Variants in RADIL observed in about 807,000 individuals in gnomAD.
RADIL encodes the protein ras-associating and dilute domain-containing protein.
In RADIL, 99 loss-of-function variants were observed where a neutral mutation model predicts 97.6. The ratio of observed to expected loss-of-function variants is 1.01; its 90% confidence interval spans 0.86 to 1.20. The LOEUF is 1.20. Ranked by LOEUF, RADIL falls within the 50% of genes most tolerant of loss-of-function variation. The probability of loss-of-function intolerance (pLI) is 0.00; values close to 1 mark genes in which losing one functional copy is unlikely to be tolerated. For synonymous variants in RADIL, 803 were observed against 691.8 expected (o/e 1.16, Z -2.52); for missense variants, 1,765 against 1,498.9 (o/e 1.18, Z -2.93).
At chr7:4,809,052 C>T (rs1277796623) in intron 9 of RADIL, 3 of 966,158 alleles carry the variant, frequency 3.1e-6, no homozygotes, top group Non-Finnish European at 3.7e-6. Flanking sequence ...ACTGCCCCCC[C>T]GTTCCAATGC....
Position 4,817,180 on chromosome 7 carries a change from T to C in RADIL, c.1728+59A>G. 1 of 1,483,260 alleles carries C rather than the reference T, an allele frequency of 6.7e-7. No homozygotes were observed. The highest frequency in any genetic ancestry group is 1.2e-5 in the South Asian group (1 of 83,144). 91.9% of individuals were successfully genotyped at this position (1,483,260 alleles called of 1,614,324 possible). A position where few individuals can be genotyped will look rare whatever the true frequency, so the allele number is the denominator to read the frequency against. On this transcript the variant is annotated intron_variant, in intron 7 of 14. Transcript: ENST00000399583. This position sits in a 1 kb window ranked among gnomAD's most constrained non-coding sequence, Gnocchi z 8.3. ...CCTTAGGAGAGCCACAGGCACAAGCTTGAGCCCCACTTGATCCCAGGAGCT... is the reference window on the plus strand; with the variant it reads ...CCTTAGGAGAGCCACAGGCACAAGCCTGAGCCCCACTTGATCCCAGGAGCT...
In RADIL at chr7:4,824,336, C is replaced by T. The variant is rs961856390; in HGVS notation, c.1455-1782G>A. Among the ~76,000 whole-genome samples the T allele has an allele frequency of 2.6e-5, 4 of 152,202 alleles. No homozygotes were observed. The highest frequency in any genetic ancestry group is 1.9e-4 in the East Asian group (1 of 5,192). On this transcript the variant is annotated intron_variant, in intron 5 of 14. Transcript: ENST00000399583. The surrounding 1 kb of genome is among the most constrained non-coding windows in gnomAD (Gnocchi z 6.7). ...TGGACGGCCGTCAGAGTGACCATCG[C>T]GTGCTCAGTCCCAGGTGTGTGGACC...
chr7:4,862,104 G>A (rs1171547023), intron 2 of RADIL: 1 of 346,420 alleles, frequency 2.9e-6, no homozygotes, highest in African/African-American at 2.1e-5. Context: ...TTCTGGGCTG[G>A]GGCTCCTACC....
At chr7:4,804,497 G>A (rs1469047193) in intron 10 of RADIL, among the ~76,000 whole-genome samples, 4 of 152,218 alleles carry the variant, frequency 2.6e-5, no homozygotes, top group African/African-American at 9.6e-5. Flanking sequence ...ACATTATAAT[G>A]CACCCCTGGC....
At chr7:4,802,355 G>A (rs1782119896) in intron 11 of RADIL, among the ~76,000 whole-genome samples, 1 of 143,884 alleles carries the variant, frequency 7.0e-6, no homozygotes, top group Non-Finnish European at 1.6e-5. Flanking sequence ...GTACCTCGGG[G>A]CACGCTGGCT....
At position 4,878,073 on chromosome 7, in the gene RADIL, G is replaced by T; in HGVS notation, c.67C>A (p.Leu23Met). 6.3e-7 allele frequency: 1 copy of T among 1,597,972 alleles called. No homozygotes were observed. Residue 23 changes from leucine to methionine, a missense_variant, in exon 2 of 15, where the codon CTG (leucine) becomes ATG (methionine). Leu to Met is a conservative substitution (Grantham distance 15). Coordinates refer to ENST00000399583, the MANE Select transcript of RADIL (RefSeq NM_018059.5). The surrounding 1 kb of genome is among the most constrained non-coding windows in gnomAD (Gnocchi z 4.1). ...TKSKLKRQSQ[L>M]LSSMLSRTLS... ...GTCCGGGACAGCATGCTGGACAACA[G>T]CTGGCTCTGCCGCTTCAGTTTGCTC...
intron 2 of RADIL, among the ~76,000 whole-genome samples, chr7:4,839,504 G>A (rs1303498687): frequency 4.6e-5 from 7 of 152,138 alleles, no homozygotes. Flanking sequence ...GGCAGGGGAA[G>A]CCTAGGCATG....
In RADIL at chr7:4,817,845, G is replaced by A. The variant is rs960472990; in HGVS notation, c.1616-494C>T. Among the ~76,000 whole-genome samples the A allele has an allele frequency of 4.6e-5, 7 of 152,282 alleles. No homozygotes were observed. The South Asian group carries it at 8.3e-4, about 18-fold the overall frequency. On this transcript the variant is annotated intron_variant, in intron 6 of 14. Transcript: ENST00000399583. The surrounding 1 kb of genome is among the most constrained non-coding windows in gnomAD (Gnocchi z 8.3). Reference sequence around the variant, plus strand: ...TCACCCCCACCCCCGGGTGTCAGCCGGGGCGGCTGGAGCTGAGGCTGGGGG... The same window carrying A: ...TCACCCCCACCCCCGGGTGTCAGCCAGGGCGGCTGGAGCTGAGGCTGGGGG...
intron 4 of RADIL, 71 bp from the exon 5 acceptor site, chr7:4,832,249 G>A (rs796183315): frequency 3.6e-6 from 4 of 1,116,178 alleles, no homozygotes; most frequent in African/African-American, 3.3e-5. Flanking sequence ...TCAAATACAC[G>A]ATACCATCGA....
At chr7:4,803,428 G>C (rs1370976707) in intron 11 of RADIL, 118 bp downstream of exon 11, 1 of 830,680 alleles carries the variant, frequency 1.2e-6, no homozygotes, top group Non-Finnish European at 1.7e-6. Context: ...CCCTCCCCGG[G>C]CACCTCGGGG....
At chr7:4,829,402 T>C (rs1783079930) in intron 5 of RADIL, among the ~76,000 whole-genome samples, 1 of 152,166 alleles carries the variant, frequency 6.6e-6, no homozygotes, top group South Asian at 2.1e-4. Context: ...CAGCTCTCCC[T>C]GGGCCGGGCA....
rs1784424456 is a variant in RADIL at position 4,878,796 on chromosome 7, G to A, written c.-64-593C>T. Among the ~76,000 whole-genome samples the A allele has an allele frequency of 6.6e-6, 1 of 152,216 alleles. No individual in the cohort carries two copies. Among genetic ancestry groups the A allele is most frequent in the Non-Finnish European group, 1.5e-5 (1 of 68,036 alleles). ...CCGTGTGCAGTGAGCATCAAGGAGCGCCCCACCCGGAGCCGGCCCCAGCAC... is the reference window on the plus strand; with the variant it reads ...CCGTGTGCAGTGAGCATCAAGGAGCACCCCACCCGGAGCCGGCCCCAGCAC... On this transcript the variant is annotated intron_variant, in intron 1 of 14. Transcript: ENST00000399583. The surrounding 1 kb of genome is among the most constrained non-coding windows in gnomAD (Gnocchi z 4.1).
chr7:4,855,947 C>A (rs936865774), intron 2 of RADIL, among the ~76,000 whole-genome samples: 1 of 151,942 alleles, frequency 6.6e-6, no homozygotes. Flanking sequence ...AGGTGCGCAT[C>A]ACCATGCCCA....
rs1256435639 is a variant in RADIL at position 4,824,238 on chromosome 7, A to T, written c.1455-1684T>A. Among the ~76,000 whole-genome samples, 2 of 152,042 alleles carry T rather than the reference A, an allele frequency of 1.3e-5. No individual in the cohort carries two copies. Among genetic ancestry groups the T allele is most frequent in the African/African-American group, 4.8e-5 (2 of 41,410 alleles). On this transcript the variant is annotated intron_variant, in intron 5 of 14. Transcript: ENST00000399583. This position sits in a 1 kb window ranked among gnomAD's most constrained non-coding sequence, Gnocchi z 6.7. ...CTAAGGGGTGAGCCAGGCAGCTGCC[A>T]CTCTGCTGGCCGCAGGGCATGGTGC...
At position 4,800,207 on chromosome 7, in the gene RADIL, G is replaced by T. The variant is rs751365351; in HGVS notation, c.2946C>A (p.Gly982=). ...TCAGGCCCATCCCCAGCCCGGAGGG[G>T]CCTCGTTCCAGCTCCACCGTGAAGA... is the stretch of plus-strand genomic sequence containing the variant. ...CYVFTVELER[G]PSGLGMGLID... The change falls in exon 13 of 15, where the codon GGC becomes GGA. Residue 982 remains glycine, a synonymous_variant. Transcript: ENST00000399583. 6.2e-6 allele frequency: 10 copies of T among 1,608,346 alleles called. No individual in the cohort carries two copies. The highest frequency in any genetic ancestry group is 2.2e-5 in the East Asian group (1 of 44,660).
chr7:4,821,894 C>T lies in RADIL; in HGVS notation c.1615+500G>A, dbSNP rs540276224. Among the ~76,000 whole-genome samples, 138 of 152,226 alleles carry T rather than the reference C, an allele frequency of 9.1e-4. No homozygotes were observed. The highest frequency in any genetic ancestry group is 3.2e-3 in the African/African-American group (133 of 41,544). On this transcript the variant is annotated intron_variant, in intron 6 of 14. Coordinates refer to ENST00000399583, the MANE Select transcript of RADIL (RefSeq NM_018059.5). This position sits in a 1 kb window ranked among gnomAD's most constrained non-coding sequence, Gnocchi z 5.2. ...GAAATCCCGAAATGTGTATTTCCCA[C>T]ATCTTAATCTGTGAAACCGACATAA...
In RADIL at chr7:4,817,255, A is replaced by G; in HGVS notation, c.1712T>C (p.Val571Ala). 1.2e-6 allele frequency: 2 copies of G among 1,612,236 alleles called. No individual in the cohort carries two copies. The highest frequency in any genetic ancestry group is 1.1e-5 in the South Asian group (1 of 90,974). Residue 571 changes from valine to alanine, a missense_variant, in exon 7 of 15, where the codon GTC (valine) becomes GCC (alanine). Physicochemically the swap from Val to Ala is moderately conservative, Grantham distance 64 (BLOSUM62 0). Transcript: ENST00000399583. The surrounding 1 kb of genome is among the most constrained non-coding windows in gnomAD (Gnocchi z 8.3). ...EVVLYAFQQC[V>A]YYVSKSLYIC... ...TCCGTGCACCTTGGAGACATAGTAG[A>G]CGCACTGCTGGAAGGCGTACAGCAC...
At chr7:4,863,711 G>C (rs1784072904) in intron 2 of RADIL, among the ~76,000 whole-genome samples, 1 of 152,178 alleles carries the variant, frequency 6.6e-6, no homozygotes, top group Admixed American at 6.5e-5. Flanking sequence ...CCTTTCACCA[G>C]GTAGCAGATT....
In RADIL at chr7:4,818,097, TG is replaced by T. The variant is rs1782726190; in HGVS notation, c.1616-747del. On this transcript the variant is annotated intron_variant, in intron 6 of 14. Transcript: ENST00000399583. The surrounding 1 kb of genome is among the most constrained non-coding windows in gnomAD (Gnocchi z 7.1). Reference sequence around the variant, plus strand: ...TGGGACTGTGGGCGGCCAACCACAGTGGTGTTCCCTGTCAGCCGCGTGGGCG... The same window carrying T: ...TGGGACTGTGGGCGGCCAACCACAGTGTGTTCCCTGTCAGCCGCGTGGGCG... 6.6e-6 allele frequency among the ~76,000 whole-genome samples: 1 copy of T among 152,154 alleles called. No homozygotes were observed. Among genetic ancestry groups the T allele is most frequent in the Non-Finnish European group, 1.5e-5 (1 of 68,012 alleles).
Sources: allele counts gnomAD v4.1 joint callset (sites outside exome capture counted in the v4.1 genomes callset), GRCh38; gene constraint gnomAD v4.1.1; non-coding constraint Gnocchi (gnomAD v3.1); transcripts MANE v1.5; gene names NCBI Gene and HGNC (gene_info 2026-07-23, HGNC 2026-07-21).